Variants in NBAS observed in about 807,000 individuals in gnomAD.
The protein encoded by NBAS is NBAS subunit of NRZ tethering complex.
In NBAS, 219 loss-of-function variants were observed where a neutral mutation model predicts 302.5. The observed-to-expected ratio is 0.72, with a 90% CI of 0.65 to 0.81. The LOEUF (loss-of-function observed/expected upper bound fraction) is 0.81. Ranked by LOEUF, NBAS falls within the 30% of genes least tolerant of loss-of-function variation. The probability of loss-of-function intolerance (pLI) is 0.00; values close to 1 mark genes in which losing one functional copy is unlikely to be tolerated. For missense variants in NBAS, 2,932 were observed against 2,841.6 expected (o/e 1.03, Z -0.72); for synonymous variants, 1,118 against 1,021.6 (o/e 1.09, Z -1.80).
intron 51 of NBAS, chr2:15,178,164 C>A (rs1043606412): frequency 2.1e-6 from 1 of 470,188 alleles, no homozygotes; most frequent in African/African-American, 2.0e-5. Flanking sequence ...TATCCTGCCA[C>A]ATTTTTGTTT....
chr2:14,863,376 A>C, the NBAS span, among the ~76,000 whole-genome samples: 611 of 152,238 alleles, frequency 4.0e-3, 6 homozygotes, highest in African/African-American at 0.014. Flanking sequence ...AGGCAGTGGA[A>C]AGTTACAGTT....
chr2:14,847,210 C>T, the NBAS span, among the ~76,000 whole-genome samples: 1 of 151,560 alleles, frequency 6.6e-6, no homozygotes, highest in Non-Finnish European at 1.5e-5. Flanking sequence ...AGTGAAACCC[C>T]GTCTCTACTA....
At chr2:15,308,375 T>A (rs546558998) in intron 39 of NBAS, 22 bp from the exon 40 acceptor site, 1 of 1,612,858 alleles carries the variant, frequency 6.2e-7, no homozygotes, top group South Asian at 1.1e-5. Context: ...CATGTTAGAA[T>A]TAACTCAGCT....
At chr2:15,481,453 T>A (rs574299998) in intron 12 of NBAS, among the ~76,000 whole-genome samples, 3 of 152,304 alleles carry the variant, frequency 2.0e-5, no homozygotes, top group Middle Eastern at 6.8e-3. Flanking sequence ...TGATACACAC[T>A]GTAAACTGGT....
At chr2:15,067,275 G>A in the NBAS span, among the ~76,000 whole-genome samples, 2 of 151,312 alleles carry the variant, frequency 1.3e-5, no homozygotes, top group Non-Finnish European at 1.5e-5. Flanking sequence ...AGCCTGGGAG[G>A]TCAACGCTGC....
intron 35 of NBAS, among the ~76,000 whole-genome samples, chr2:15,339,672 A>G (rs939952355): frequency 1.3e-5 from 2 of 152,220 alleles, no homozygotes; most frequent in African/African-American, 4.8e-5. Context: ...AGCATATCAG[A>G]TAAGTTTTAT....
At chr2:15,551,364 A>T in intron 6 of NBAS, 129 bp downstream of exon 6, 2 of 582,660 alleles carry the variant, frequency 3.4e-6, no homozygotes, top group Non-Finnish European at 5.7e-6. Flanking sequence ...AGCAGTTTTT[A>T]AAAATTATTT....
chr2:15,446,772 G>GA (rs1678768341), intron 21 of NBAS, among the ~76,000 whole-genome samples: 1 of 151,648 alleles, frequency 6.6e-6, no homozygotes, highest in African/African-American at 2.4e-5. Flanking sequence ...GAGGAAAATG[G>GA]AAAAACATTA....
At chr2:15,416,813 GA>G (rs199927157) in intron 24 of NBAS, among the ~76,000 whole-genome samples, 443 of 74,940 alleles carry the variant, frequency 5.9e-3, no homozygotes, top group African/African-American at 9.1e-3. Flanking sequence ...CTGAAAAAAA[GA>G]AAAAAAAAAA....
intron 4 of NBAS, 42 bp from the exon 5 acceptor site, chr2:15,553,515 A>C: frequency 6.6e-7 from 1 of 1,525,630 alleles, no homozygotes; most frequent in South Asian, 1.1e-5. Flanking sequence ...TCTATTATGA[A>C]TATCTATAGC....
intron 40 of NBAS, among the ~76,000 whole-genome samples, chr2:15,300,049 A>C (rs1222927591): frequency 6.6e-6 from 1 of 152,216 alleles, no homozygotes; most frequent in African/African-American, 2.4e-5. Flanking sequence ...CGAGGGAGGC[A>C]GCTCCATGGA....
At chr2:15,538,241 G>T in intron 7 of NBAS, 1 of 254,332 alleles carries the variant, frequency 3.9e-6, no homozygotes, top group Admixed American at 4.5e-5. Flanking sequence ...TTACATTTGA[G>T]CACACATACA....
intron 48 of NBAS, among the ~76,000 whole-genome samples, chr2:15,215,167 C>T (rs889925662): frequency 6.6e-5 from 10 of 152,166 alleles, no homozygotes; most frequent in Admixed American, 1.3e-4. Context: ...CTCTCTTTTT[C>T]CCTCCCACCC....
chr2:14,815,882 G>C, the NBAS span, among the ~76,000 whole-genome samples: 3 of 152,174 alleles, frequency 2.0e-5, no homozygotes, highest in East Asian at 1.9e-4. Flanking sequence ...AATCACTGAG[G>C]CCTGCTAAAT....
intron 40 of NBAS, among the ~76,000 whole-genome samples, chr2:15,298,271 A>G (rs1670640498): frequency 6.6e-6 from 1 of 152,206 alleles, no homozygotes; most frequent in South Asian, 2.1e-4. Context: ...AGCTCATCAA[A>G]TATTTGTGTA....
Position 15,323,985 on chromosome 2 carries a change from G to T in NBAS, c.4582+3765C>A, listed in dbSNP as rs556167011. On this transcript the variant is annotated intron_variant, in intron 38 of 51. Coordinates refer to ENST00000281513, the MANE Select transcript of NBAS (RefSeq NM_015909.4). ...TTAAAAATTCCTAAGAGATTCTAAA[G>T]TATAACCAGGAAGGAGAACTACAGA... is the stretch of plus-strand genomic sequence containing the variant. Among the ~76,000 whole-genome samples the T allele has an allele frequency of 7.9e-4, 119 of 150,628 alleles. 1 individual carries two copies. The highest frequency in any genetic ancestry group is 7.4e-5 in the Non-Finnish European group (5 of 67,880).
intron 44 of NBAS, among the ~76,000 whole-genome samples, chr2:15,264,986 C>T (rs2148025182): frequency 6.6e-6 from 1 of 152,250 alleles, no homozygotes. Flanking sequence ...CCAGTTCATG[C>T]CACTATTCAC....
chr2:14,833,733 T>C, the NBAS span, among the ~76,000 whole-genome samples: 1 of 151,992 alleles, frequency 6.6e-6, no homozygotes, highest in Non-Finnish European at 1.5e-5. Context: ...TGGATTCTAG[T>C]CCTGACCCTA....
Position 15,539,100 on chromosome 2 carries a change from A to C in NBAS, c.513+123T>G. ...TTCTAACTAGATTCTGGGCGTCTTA[A>C]GTCCACAGCTTATTATTCTGATTTA... is the stretch of plus-strand genomic sequence containing the variant. On this transcript the variant is annotated intron_variant, in intron 7 of 51. Transcript: ENST00000281513. 3.0e-6 allele frequency: 4 copies of C among 1,335,788 alleles called. No individual in the cohort carries two copies. The South Asian group carries it at 5.0e-5, about 17-fold the overall frequency. 82.7% of individuals were successfully genotyped at this position (1,335,788 alleles called of 1,614,324 possible). A position where few individuals can be genotyped will look rare whatever the true frequency, so the allele number is the denominator to read the frequency against.
Sources: allele counts gnomAD v4.1 joint callset (sites outside exome capture counted in the v4.1 genomes callset), GRCh38; gene constraint gnomAD v4.1.1; transcripts MANE v1.5; gene names NCBI Gene and HGNC (gene_info 2026-07-23, HGNC 2026-07-21).